FMN2: variants seen among roughly 807,000 people sequenced by gnomAD.
FMN2 encodes the protein formin-2.
In FMN2, 51 loss-of-function variants were observed where a neutral mutation model predicts 142.3. That is an observed-to-expected ratio of 0.36 (90% confidence interval 0.29 to 0.45). The LOEUF (loss-of-function observed/expected upper bound fraction) is 0.45. Among genes scored for constraint, FMN2 ranks in the 20% least tolerant of loss-of-function variants. The pLI, the probability that FMN2 is intolerant of heterozygous loss-of-function variation, is 1.00. For synonymous variants in FMN2, 882 were observed against 869.8 expected, an observed-to-expected ratio of 1.01 and a Z score of -0.25; for missense variants, 1,936 against 2,122.8, an observed-to-expected ratio of 0.91 and a Z score of 1.73.
chr1:240,209,786 T>C (rs955487843), intron 5 of FMN2, among the ~76,000 whole-genome samples: 65 of 151,452 alleles, frequency 4.3e-4, no homozygotes, highest in South Asian at 1.3e-3. Context: ...CGCCGGTAGT[T>C]CCAGCTACTC....
chr1:240,295,023 G>A, intron 8 of FMN2, 140 bp downstream of exon 8: 2 of 618,700 alleles, frequency 3.2e-6, no homozygotes, highest in Non-Finnish European at 5.4e-6. Flanking sequence ...GTAGGTGTTT[G>A]TTACAATACT....
rs140007291 is a variant in FMN2 at position 240,416,860 on chromosome 1, C to T, written c.4911-21201C>T. Among the ~76,000 whole-genome samples, 39 of 151,360 alleles carry T rather than the reference C, an allele frequency of 2.6e-4. No homozygotes were observed. The East Asian group carries it at 7.6e-3, about 29-fold the overall frequency. On this transcript the variant is annotated intron_variant, in intron 15 of 17. Transcript: ENST00000319653. Reference sequence around the variant, plus strand: ...GCATCCTGTCTCTCCTGGCTTTGTCCGTTGTATGAATAGTTCATTTATTTT... The same window carrying T: ...GCATCCTGTCTCTCCTGGCTTTGTCTGTTGTATGAATAGTTCATTTATTTT...
intron 16 of FMN2, among the ~76,000 whole-genome samples, chr1:240,462,245 G>T (rs1469271465): frequency 1.3e-5 from 2 of 152,116 alleles, no homozygotes; most frequent in Non-Finnish European, 2.9e-5. Context: ...AGTTAGTGAG[G>T]CTAGGTTGAC....
chr1:240,127,370 CTT>C (rs113677551), intron 2 of FMN2, among the ~76,000 whole-genome samples: 10 of 139,848 alleles, frequency 7.2e-5, no homozygotes, highest in East Asian at 2.1e-4. Flanking sequence ...CCATACCTGG[CTT>C]TTTTTTTTTT....
intron 1 of FMN2, among the ~76,000 whole-genome samples, chr1:240,108,910 C>G (rs1299574331): frequency 6.6e-6 from 1 of 152,112 alleles, no homozygotes; most frequent in Non-Finnish European, 1.5e-5. Flanking sequence ...GTGGCGAGAG[C>G]CTGTAATCCC....
chr1:240,445,887 G>C (rs1016157987), intron 16 of FMN2, among the ~76,000 whole-genome samples: 2 of 152,118 alleles, frequency 1.3e-5, no homozygotes, highest in Non-Finnish European at 2.9e-5. Flanking sequence ...AGTAAAGATT[G>C]TGGAAAATAG....
chr1:240,294,121 T>C (rs1669886480), intron 7 of FMN2, among the ~76,000 whole-genome samples: 1 of 152,182 alleles, frequency 6.6e-6, no homozygotes, highest in Admixed American at 6.6e-5. Context: ...TGATTTGTAT[T>C]AACCTATGCC....
At chr1:240,316,095 A>G (rs1013271209) in intron 8 of FMN2, among the ~76,000 whole-genome samples, 3 of 152,170 alleles carry the variant, frequency 2.0e-5, no homozygotes, top group African/African-American at 7.2e-5. Context: ...AGGTGTTGGT[A>G]TTACAAAAAT....
chr1:240,159,215 A>G (rs1396435081), intron 2 of FMN2, among the ~76,000 whole-genome samples: 1 of 151,936 alleles, frequency 6.6e-6, no homozygotes, highest in African/African-American at 2.4e-5. Flanking sequence ...AATCCACCCT[A>G]TGAAACTTAT....
intron 7 of FMN2, among the ~76,000 whole-genome samples, chr1:240,279,747 C>T (rs1572149110): frequency 6.6e-6 from 1 of 151,376 alleles, no homozygotes; most frequent in East Asian, 2.0e-4. Flanking sequence ...TTCTTCTAGA[C>T]AAGGAAACAT....
chr1:240,282,374 C>G (rs1405097640), intron 7 of FMN2, among the ~76,000 whole-genome samples: 1 of 152,176 alleles, frequency 6.6e-6, no homozygotes, highest in East Asian at 1.9e-4. Flanking sequence ...TGAGTTAAGA[C>G]TTCTCAGTAA....
intron 17 of FMN2, 86 bp from the exon 18 acceptor site, chr1:240,474,042 A>G: frequency 8.6e-7 from 1 of 1,169,534 alleles, no homozygotes; most frequent in Non-Finnish European, 1.2e-6. Context: ...TCCAAATGAA[A>G]AGGTCTTTTT....
chr1:240,308,311 C>T (rs973135341), intron 8 of FMN2, among the ~76,000 whole-genome samples: 2 of 152,158 alleles, frequency 1.3e-5, no homozygotes, highest in East Asian at 1.9e-4. Flanking sequence ...ACTAGCCCCT[C>T]TAGGGACTTG....
intron 14 of FMN2, among the ~76,000 whole-genome samples, chr1:240,374,328 C>T (rs968509164): frequency 1.3e-5 from 2 of 152,204 alleles, no homozygotes; most frequent in Non-Finnish European, 2.9e-5. Context: ...CAAAGAAATT[C>T]AGCCTGTCCT....
intron 6 of FMN2, among the ~76,000 whole-genome samples, chr1:240,226,967 T>C (rs969603263): frequency 2.0e-5 from 3 of 152,198 alleles, no homozygotes; most frequent in Non-Finnish European, 4.4e-5. Flanking sequence ...TTGTTACTTC[T>C]GTTTAGCAAT....
intron 17 of FMN2, among the ~76,000 whole-genome samples, chr1:240,472,943 CAAAAAAA>C (rs372290294): frequency 1.1e-5 from 1 of 90,662 alleles, no homozygotes; most frequent in South Asian, 3.6e-4. Context: ...GACTTTGTCT[CAAAAAAA>C]AAAAAAAAAA....
At chr1:240,257,858 G>C (rs1668499053) in intron 6 of FMN2, 87 bp from the exon 7 acceptor site, 4 of 1,081,460 alleles carry the variant, frequency 3.7e-6, no homozygotes, top group Non-Finnish European at 5.6e-6. Context: ...CTCTGAATTT[G>C]TTCTTCATTT....
intron 2 of FMN2, among the ~76,000 whole-genome samples, chr1:240,152,562 T>G (rs1010808035): frequency 8.5e-5 from 13 of 152,186 alleles, no homozygotes; most frequent in Non-Finnish European, 1.8e-4. Flanking sequence ...CCACGCTCTC[T>G]TCTTCTTACG....
chr1:240,407,269 C>G (rs894650086), intron 15 of FMN2, among the ~76,000 whole-genome samples: 3 of 152,042 alleles, frequency 2.0e-5, no homozygotes, highest in South Asian at 2.1e-4. Flanking sequence ...TCCAGAGTAG[C>G]TGCGATTACA....
Sources: allele counts gnomAD v4.1 joint callset (sites outside exome capture counted in the v4.1 genomes callset), GRCh38; gene constraint gnomAD v4.1.1; transcripts MANE v1.5; gene names NCBI Gene and HGNC (gene_info 2026-07-23, HGNC 2026-07-21).